Variants in NRN1L observed in about 807,000 individuals in gnomAD.
The protein encoded by NRN1L is neuritin-like protein.
In NRN1L, 12 loss-of-function variants were observed where a neutral mutation model predicts 8.8. That is an observed-to-expected ratio of 1.36 (90% CI 0.87 to 2.20). NRN1L has a LOEUF of 2.20. Ranked by LOEUF, NRN1L falls within the 30% of genes most tolerant of loss-of-function variation. The probability of loss-of-function intolerance (pLI) is 0.00; values close to 1 mark genes in which losing one functional copy is unlikely to be tolerated. For synonymous variants in NRN1L, 114 were observed against 99.2 expected (o/e 1.15, Z -0.88); for missense variants, 266 against 232.4 (o/e 1.14, Z -0.94).
At chr16:67,885,478 G>A in intron 1 of NRN1L, 1 of 507,632 alleles carries the variant, frequency 2.0e-6, no homozygotes, top group Non-Finnish European at 3.5e-6. Flanking sequence ...AAGCTCAAAG[G>A]AAGAGCTGAC....
At position 67,886,138 on chromosome 16, in the gene NRN1L, C is replaced by T. The variant is rs2058095552; in HGVS notation, c.377C>T (p.Thr126Ile). ...CCGGTGCATGTTCGGGAGCGCGGCA[C>T]AGGCTCCGAAACCAACCAGGAGACG... ...GAPVHVRERG[T>I]GSETNQETLR... Residue 126 changes from threonine to isoleucine, a missense_variant, in exon 3 of 3, where the codon ACA becomes ATA. By Grantham distance (89) the Thr-to-Ile change is moderately conservative. Transcript: ENST00000339176. 1.9e-6 allele frequency: 3 copies of T among 1,611,846 alleles called. No individual in the cohort carries two copies.
In NRN1L at chr16:67,886,027, A is replaced by T. The variant is rs73593844; in HGVS notation, c.266A>T (p.Glu89Val). The T allele has an allele frequency of 1.2e-6, 2 of 1,613,928 alleles. No homozygotes were observed. Among genetic ancestry groups the T allele is most frequent in the African/African-American group, 1.3e-5 (1 of 74,906 alleles). The change falls in exon 3 of 3, where the codon GAG becomes GTG. Residue 89 changes from glutamate (E) to valine (V), a missense_variant. Glu to Val is a moderately radical substitution (Grantham distance 121, BLOSUM62 -2). Transcript: ENST00000339176. ...TCTCAGGTCCTGTCAGGCTGTCCGGAGGAGGCAGCTGCAGTGTGGGAATCA... is the reference window on the plus strand; with the variant it reads ...TCTCAGGTCCTGTCAGGCTGTCCGGTGGAGGCAGCTGCAGTGTGGGAATCA... ...CASQVLSGCP[E>V]EAAAVWESLQ...
chr16:67,886,397 G>A, downstream of NRN1L: 1 of 856,250 alleles, frequency 1.2e-6, no homozygotes, highest in Admixed American at 3.0e-5. Flanking sequence ...CCTGGCTGTG[G>A]CCTTGCTTGC....
At position 67,884,892 on chromosome 16, in the gene NRN1L, T is replaced by C; in HGVS notation, c.-12T>C. 1 of 1,603,332 alleles carries C rather than the reference T, an allele frequency of 6.2e-7. No individual in the cohort carries two copies. The highest frequency in any genetic ancestry group is 8.5e-7 in the Non-Finnish European group (1 of 1,179,472). On this transcript the variant is annotated 5_prime_UTR_variant, in exon 1 of 3. Transcript: ENST00000339176. The surrounding 1 kb of genome is among the most constrained non-coding windows in gnomAD (Gnocchi z 4.1). ...CAAGCAGCTAGCTCCTGCACTAGGC[T>C]CTCAGCCAGGGATGATGCGCTGCTG...
Position 67,886,097 on chromosome 16 carries a change from C to T in NRN1L, c.336C>T (p.His112=). The T allele has an allele frequency of 6.2e-7, 1 of 1,613,378 alleles. No homozygotes were observed. Among genetic ancestry groups the T allele is most frequent in the Non-Finnish European group, 8.5e-7 (1 of 1,179,806 alleles). The part of the protein sequence containing the change: ...ARQAPRPNNL[H]TLCGAPVHVR... ...AGGCCCCCCGTCCGAATAACTTGCA[C>T]ACTCTGTGCGGTGCCCCGGTGCATG... Residue 112 remains histidine, a synonymous_variant, in exon 3 of 3, where the codon CAC becomes CAT. Coordinates refer to ENST00000339176, the MANE Select transcript of NRN1L (RefSeq NM_198443.2).
At chr16:67,887,852 TTACAGGCGTGAG>T (rs2058101549), downstream of NRN1L, among the ~76,000 whole-genome samples, 1 of 152,172 alleles carries the variant, frequency 6.6e-6, no homozygotes, top group South Asian at 2.1e-4. Flanking sequence ...AGTGTTGGGA[TTACAGGCGTGAG>T]CCACCGCGCC....
intron 1 of NRN1L, chr16:67,885,192 A>C: frequency 1.7e-6 from 1 of 601,684 alleles, no homozygotes; most frequent in Non-Finnish European, 3.0e-6. Flanking sequence ...ATCCCCTCTT[A>C]TGATAAAGGG....
intron 1 of NRN1L, 192 bp from the exon 2 acceptor site, chr16:67,885,530 C>T (rs762135061): frequency 2.4e-5 from 14 of 575,380 alleles, no homozygotes; most frequent in Non-Finnish European, 3.4e-5. Context: ...AAATCCCAGT[C>T]TGGGTCCTAC....
Position 67,886,221 on chromosome 16 carries a change from G to A in NRN1L, c.460G>A (p.Ala154Thr). Residue 154 changes from alanine (A) to threonine (T), a missense_variant, in exon 3 of 3, where the codon GCT (alanine) becomes ACT (threonine). By Grantham distance (58) the Ala-to-Thr change is moderately conservative. Coordinates refer to ENST00000339176, the MANE Select transcript of NRN1L (RefSeq NM_198443.2). Reference sequence around the variant, plus strand: ...CCCTGCGCCCCCACTGCTGGCGGCTGCTCTGGCTCTGGCCTACCTCCTGAG... The same window carrying A: ...CCCTGCGCCCCCACTGCTGGCGGCTACTCTGGCTCTGGCCTACCTCCTGAG... ...MAPAPPLLAA[A>T]LALAYLLRPL... The A allele has an allele frequency of 6.3e-7, 1 of 1,598,442 alleles. No individual in the cohort carries two copies. The highest frequency in any genetic ancestry group is 8.5e-7 in the Non-Finnish European group (1 of 1,178,502).
chr16:67,888,199 G>A (rs2058102227), downstream of NRN1L, among the ~76,000 whole-genome samples: 1 of 152,194 alleles, frequency 6.6e-6, no homozygotes, highest in Non-Finnish European at 1.5e-5. Flanking sequence ...TGGAATGAAA[G>A]ATAGAACTCC....
At position 67,885,713 on chromosome 16, in the gene NRN1L, C is replaced by CCAACA; in HGVS notation, c.80-9_80-8insCAACA. 1 of 1,509,814 alleles carries CCAACA rather than the reference C, an allele frequency of 6.6e-7. No homozygotes were observed. The highest frequency in any genetic ancestry group is 9.1e-7 in the Non-Finnish European group (1 of 1,104,184). 93.5% of individuals were successfully genotyped at this position (1,509,814 alleles called of 1,614,324 possible). On this transcript the variant is annotated splice_polypyrimidine_tract_variant and intron_variant, in intron 1 of 2. Transcript: ENST00000339176. Reference sequence around the variant, plus strand: ...TTCCTTCCCCACCCCACCCCCGCCCCACTTCTAGTCCTTTTACCTCCCCTG... The same window carrying CCAACA: ...TTCCTTCCCCACCCCACCCCCGCCCCCAACAACTTCTAGTCCTTTTACCTCCCCTG...
Position 67,885,260 on chromosome 16 carries a change from G to A in NRN1L, c.79+278G>A, listed in dbSNP as rs1278515554. The stretch of plus-strand genomic sequence containing the variant: ...CGTAGGATCCCTAAGTCCTCTCTGA[G>A]GGTCTGGCCTGGATCCCAATACCTC... On this transcript the variant is annotated intron_variant, in intron 1 of 2. Transcript: ENST00000339176. The A allele has an allele frequency of 1.6e-5, 9 of 576,110 alleles. No homozygotes were observed. In the East Asian group the frequency reaches 2.7e-4, roughly 17 times the overall value. 35.7% of individuals were successfully genotyped at this position (576,110 alleles called of 1,614,324 possible).
Position 67,885,874 on chromosome 16 carries a change from A to C in NRN1L, c.212+20A>C. ...CTGCAGGTACCGGCGGGTGTGAGGC[A>C]GTGGCCCAACCTGTGCCACCATTGG... On this transcript the variant is annotated intron_variant, in intron 2 of 2. Transcript: ENST00000339176. 1 of 1,569,410 alleles carries C rather than the reference A, an allele frequency of 6.4e-7. No homozygotes were observed. Among genetic ancestry groups the C allele is most frequent in the Non-Finnish European group, 8.6e-7 (1 of 1,156,932 alleles).
Position 67,884,983 on chromosome 16 carries a change from G to T in NRN1L, c.79+1G>T. 1 of 1,606,814 alleles carries T rather than the reference G, an allele frequency of 6.2e-7. No individual in the cohort carries two copies. Among genetic ancestry groups the T allele is most frequent in the Non-Finnish European group, 8.5e-7 (1 of 1,179,100 alleles). ...AGGCCGTTGCTGTTGCTGCCCCTCG[G>T]TGAGTGCGGGCATCCGGGGCCCGGG... On this transcript the variant is annotated splice_donor_variant, in intron 1 of 2. Transcript: ENST00000339176. LOFTEE classifies it high-confidence loss of function. The surrounding 1 kb of genome is among the most constrained non-coding windows in gnomAD (Gnocchi z 4.1).
downstream of NRN1L, among the ~76,000 whole-genome samples, chr16:67,887,492 A>C: frequency 6.7e-6 from 1 of 149,462 alleles, no homozygotes. Flanking sequence ...CTGGTCTCGA[A>C]CTCCTAACCT....
rs1380436234 is a variant in NRN1L at position 67,886,133 on chromosome 16, C to T, written c.372C>T (p.Arg124=). The change falls in exon 3 of 3, where the codon CGC becomes CGT. Residue 124 remains arginine, a synonymous_variant. Transcript: ENST00000339176. ...LCGAPVHVRE[R]GTGSETNQET... ...GTGCCCCGGTGCATGTTCGGGAGCG[C>T]GGCACAGGCTCCGAAACCAACCAGG... The T allele has an allele frequency of 1.6e-5, 25 of 1,611,948 alleles. No homozygotes were observed. The highest frequency in any genetic ancestry group is 1.8e-5 in the Non-Finnish European group (21 of 1,179,650).
chr16:67,885,652 G>T, intron 1 of NRN1L, 70 bp from the exon 2 acceptor site: 1 of 1,284,536 alleles, frequency 7.8e-7, no homozygotes. Context: ...AAGCCCCTGG[G>T]GGCTGGGGGA....
rs143671493 is a variant in NRN1L at position 67,886,106 on chromosome 16, C to T, written c.345C>T (p.Cys115=). The change falls in exon 3 of 3, where the codon TGC becomes TGT. Residue 115 remains cysteine (C), a synonymous_variant. Transcript: ENST00000339176. ...GTCCGAATAACTTGCACACTCTGTGCGGTGCCCCGGTGCATGTTCGGGAGC... is the reference window on the plus strand; with the variant it reads ...GTCCGAATAACTTGCACACTCTGTGTGGTGCCCCGGTGCATGTTCGGGAGC... ...APRPNNLHTL[C]GAPVHVRERG... is the part of the protein sequence containing the mutation. 5.6e-6 allele frequency: 9 copies of T among 1,612,796 alleles called. No individual in the cohort carries two copies. The highest frequency in any genetic ancestry group is 1.3e-5 in the African/African-American group (1 of 75,036).
chr16:67,887,321 G>A (rs1477881217), downstream of NRN1L, among the ~76,000 whole-genome samples: 2 of 151,388 alleles, frequency 1.3e-5, no homozygotes, highest in Non-Finnish European at 2.9e-5. Context: ...CACCCAGGCT[G>A]GAATGCAGTG....
Sources: allele counts gnomAD v4.1 joint callset (sites outside exome capture counted in the v4.1 genomes callset), GRCh38; gene constraint gnomAD v4.1.1; non-coding constraint Gnocchi (gnomAD v3.1); transcripts MANE v1.5; gene names NCBI Gene and HGNC (gene_info 2026-07-23, HGNC 2026-07-21).